The following MATN2 variants were observed in gnomAD, a reference collection of about 807,000 sequenced individuals.
MATN2 encodes matrilin-2.
In MATN2, 69 loss-of-function variants were observed where a neutral mutation model predicts 103.2. The observed-to-expected ratio is 0.67, with a 90% CI of 0.55 to 0.82. The LOEUF (loss-of-function observed/expected upper bound fraction) is 0.82. Among genes scored for constraint, MATN2 ranks in the 40% least tolerant of loss-of-function variants. The pLI, the probability that MATN2 is intolerant of heterozygous loss-of-function variation, is 0.00. For missense variants in MATN2, 1,023 were observed against 1,211.5 expected, an observed-to-expected ratio of 0.84 and a Z score of 2.31; for synonymous variants, 429 against 450.2, an observed-to-expected ratio of 0.95 and a Z score of 0.60.
At chr8:97,989,196 G>A (rs574180813) in intron 6 of MATN2, among the ~76,000 whole-genome samples, 56 of 152,298 alleles carry the variant, frequency 3.7e-4, no homozygotes, top group Admixed American at 2.6e-3. Flanking sequence ...GTGGCCAGGC[G>A]TGGTGGCTCA....
At chr8:97,923,272 C>G (rs1241507486) in intron 2 of MATN2, among the ~76,000 whole-genome samples, 1 of 152,074 alleles carries the variant, frequency 6.6e-6, no homozygotes, top group Non-Finnish European at 1.5e-5. Context: ...AGTTTTTTCT[C>G]TGTCCCTTTA....
intron 2 of MATN2, among the ~76,000 whole-genome samples, chr8:97,922,234 T>C (rs181853812): frequency 1.3e-3 from 193 of 152,326 alleles, no homozygotes; most frequent in Non-Finnish European, 2.3e-3. Flanking sequence ...ATTCTTATAG[T>C]GGAGGATCCA....
chr8:98,003,951 A>G, intron 8 of MATN2, 168 bp downstream of exon 8: 1 of 768,780 alleles, frequency 1.3e-6, no homozygotes, highest in Non-Finnish European at 2.1e-6. Flanking sequence ...TGTGACTATT[A>G]ATGCTATCGG....
At chr8:97,888,286 G>A in intron 2 of MATN2, 44 bp downstream of exon 2, 1 of 1,454,462 alleles carries the variant, frequency 6.9e-7, no homozygotes, top group South Asian at 1.5e-5. Flanking sequence ...GGTGGGGGTG[G>A]TTTGGGGAGG....
intron 13 of MATN2, among the ~76,000 whole-genome samples, chr8:98,023,988 A>G (rs986970016): frequency 6.6e-6 from 1 of 152,196 alleles, no homozygotes; most frequent in Non-Finnish European, 1.5e-5. Context: ...GGAGCTGAAC[A>G]ATGAGAACAC....
At chr8:98,034,148 G>GT (rs35312215) in intron 18 of MATN2, 48,538 of 455,588 alleles carry the variant, frequency 0.11, 3,079 homozygotes, top group East Asian at 0.2. Flanking sequence ...GACAGGAGTG[G>GT]TTTTTTCTTT....
At chr8:97,992,890 A>C (rs2924821) in intron 6 of MATN2, among the ~76,000 whole-genome samples, 55,409 of 151,044 alleles carry the variant, frequency 0.37, 11,386 homozygotes, top group Middle Eastern at 0.48. Context: ...ATTGCGCTTC[A>C]GCCTGGGCGA....
chr8:97,966,851 A>C (rs779970884), intron 5 of MATN2, among the ~76,000 whole-genome samples: 1 of 152,220 alleles, frequency 6.6e-6, no homozygotes, highest in East Asian at 1.9e-4. Context: ...GCTACTTGCT[A>C]GGTGTGTTAG....
chr8:98,030,942 C>T (rs1398708126), intron 15 of MATN2, among the ~76,000 whole-genome samples: 3 of 152,186 alleles, frequency 2.0e-5, no homozygotes, highest in East Asian at 1.9e-4. Context: ...GGATTACAGG[C>T]GTGAGCCACC....
At chr8:98,034,434 GCCAATGGGCTT>G in intron 18 of MATN2, 1 of 281,778 alleles carries the variant, frequency 3.5e-6, no homozygotes, top group South Asian at 3.3e-5. Flanking sequence ...CTATCTCTGT[GCCAATGGGCTT>G]ATGTAATAAG....
chr8:97,933,204 G>A (rs1586061422), intron 3 of MATN2, among the ~76,000 whole-genome samples: 1 of 152,206 alleles, frequency 6.6e-6, no homozygotes. Context: ...GTGTTCAGAA[G>A]TGCCATTTCC....
intron 16 of MATN2, among the ~76,000 whole-genome samples, chr8:98,032,825 C>A (rs1270888815): frequency 1.3e-5 from 2 of 152,006 alleles, no homozygotes; most frequent in Admixed American, 1.3e-4. Context: ...AGCCACTGTG[C>A]CCGGCTGTTT....
chr8:98,032,082 A>T (rs1814045358), intron 15 of MATN2, 164 bp from the exon 16 acceptor site: 3 of 589,968 alleles, frequency 5.1e-6, no homozygotes, highest in Non-Finnish European at 9.1e-6. Flanking sequence ...CATAAGTATC[A>T]TGGTAACCAA....
At chr8:98,033,682 T>G in intron 18 of MATN2, 23 bp downstream of exon 18, 4 of 1,432,792 alleles carry the variant, frequency 2.8e-6, no homozygotes, top group Non-Finnish European at 2.9e-6. Flanking sequence ...TGCATTATGC[T>G]TCTGTATGGA....
chr8:97,981,736 G>T (rs1812031000), intron 6 of MATN2, among the ~76,000 whole-genome samples: 1 of 152,158 alleles, frequency 6.6e-6, no homozygotes, highest in Admixed American at 6.5e-5. Context: ...ACTGGCTGGG[G>T]TCACCTGATT....
intron 2 of MATN2, among the ~76,000 whole-genome samples, chr8:97,891,001 T>C (rs1818608594): frequency 6.6e-6 from 1 of 152,366 alleles, no homozygotes; most frequent in Middle Eastern, 3.4e-3. Flanking sequence ...TGTGAACATC[T>C]GTGGGCTGTT....
At chr8:97,902,262 G>A (rs1473939019) in intron 2 of MATN2, among the ~76,000 whole-genome samples, 9 of 151,342 alleles carry the variant, frequency 5.9e-5, no homozygotes, top group African/African-American at 1.9e-4. Flanking sequence ...TTGGGAGGCC[G>A]TGGTGGGCAG....
intron 6 of MATN2, among the ~76,000 whole-genome samples, chr8:97,987,420 C>T (rs1323430917): frequency 6.6e-6 from 1 of 152,038 alleles, no homozygotes; most frequent in Non-Finnish European, 1.5e-5. Flanking sequence ...ACATCCTGCA[C>T]ATACACCCTA....
intron 18 of MATN2, among the ~76,000 whole-genome samples, chr8:98,035,441 T>TAAA (rs1350658587): frequency 5.6e-4 from 80 of 143,100 alleles, no homozygotes; most frequent in Middle Eastern, 3.7e-3. Context: ...TTGCTGATGT[T>TAAA]AAAAAAAAAA....
Sources: gnomAD v4.1 joint callset for allele counts (sites outside exome capture counted in the v4.1 genomes callset) on GRCh38, gnomAD v4.1.1 for gene constraint, MANE v1.5 for transcripts, NCBI Gene and HGNC (gene_info 2026-07-23, HGNC 2026-07-21) for gene names.